The following SACS variants were observed in gnomAD, a reference collection of about 807,000 sequenced individuals.
The protein encoded by SACS is sacsin.
In SACS, 197 loss-of-function variants were observed where a neutral mutation model predicts 348.0. The observed-to-expected ratio is 0.57, with a 90% CI of 0.50 to 0.64. The LOEUF (loss-of-function observed/expected upper bound fraction) is 0.64. Among genes scored for constraint, SACS ranks in the 30% least tolerant of loss-of-function variants. The probability of loss-of-function intolerance (pLI) is 0.00; values close to 1 mark genes in which losing one functional copy is unlikely to be tolerated. For missense variants in SACS, 4,999 were observed against 5,360.8 expected (o/e 0.93, Z 2.11); for synonymous variants, 1,985 against 1,910.6 (o/e 1.04, Z -1.02).
chr13:23,330,947 ACTT>A lies in SACS; in HGVS notation c.12926_12928del (p.Glu4309del). On this transcript the variant is annotated inframe_deletion, in exon 10 of 10. Coordinates refer to ENST00000382292, the MANE Select transcript of SACS (RefSeq NM_014363.6). ...CCATGCTTGCTCCACCACAGATGTC[ACTT>A]CTTTTAAGATTTCTGGTAAAGAATT... 1 of 1,614,056 alleles carries A rather than the reference ACTT, an allele frequency of 6.2e-7. No individual in the cohort carries two copies. The highest frequency in any genetic ancestry group is 8.5e-7 in the Non-Finnish European group (1 of 1,179,978).
At chr13:23,394,974 T>C (rs1327973136) in intron 2 of SACS, among the ~76,000 whole-genome samples, 2 of 152,206 alleles carry the variant, frequency 1.3e-5, no homozygotes, top group Non-Finnish European at 2.9e-5. Context: ...GACTGATTTA[T>C]TAGGGATCCG....
At chr13:23,371,224 C>T in intron 3 of SACS, 59 bp from the exon 4 acceptor site, 1 of 1,014,636 alleles carries the variant, frequency 9.9e-7, no homozygotes, top group Non-Finnish European at 1.4e-6. Context: ...ACTGTAAATT[C>T]AAGACATTAT....
intron 2 of SACS, among the ~76,000 whole-genome samples, 153 bp downstream of exon 2, chr13:23,411,067 A>G (rs74408018): frequency 6.6e-6 from 1 of 152,292 alleles, no homozygotes; most frequent in African/African-American, 2.4e-5. Flanking sequence ...AATTACATAT[A>G]CAATTTCAGT....
chr13:23,384,227 G>A (rs1412527733), intron 2 of SACS, among the ~76,000 whole-genome samples: 1 of 152,212 alleles, frequency 6.6e-6, no homozygotes, highest in Non-Finnish European at 1.5e-5. Context: ...CCCGTGCAAG[G>A]TGACTTCCGC....
rs1354039872 is a variant in SACS at position 23,331,170 on chromosome 13, T to C, written c.12706A>G (p.Ile4236Val). Residue 4236 changes from isoleucine (I) to valine (V), a missense_variant, in exon 10 of 10, where the codon ATA (isoleucine) becomes GTA (valine). Physicochemically the swap from Ile to Val is conservative, Grantham distance 29. Around this residue, in one of 6 missense-constraint regions of SACS, gnomAD observed 831 missense variants for 941.8 expected, o/e 0.88. Transcript: ENST00000382292. The stretch of plus-strand genomic sequence containing the variant: ...TTATACAGATCAAGAGAGCTAACTA[T>C]TTTATATTCACTATAACCAATATCT... ...QIDIGYSEYKIVSSLDLYKFS... is the reference protein window; with the variant it reads ...QIDIGYSEYKVVSSLDLYKFS... 1 of 1,613,838 alleles carries C rather than the reference T, an allele frequency of 6.2e-7. No homozygotes were observed. Among genetic ancestry groups the C allele is most frequent in the East Asian group, 2.2e-5 (1 of 44,890 alleles).
intron 1 of SACS, among the ~76,000 whole-genome samples, chr13:23,424,354 C>T (rs1240192968): frequency 3.9e-5 from 6 of 151,952 alleles, no homozygotes; most frequent in African/African-American, 7.3e-5. Flanking sequence ...GGAAAAACCC[C>T]GGCTCTACTA....
In SACS at chr13:23,340,824, C is replaced by T. The variant is rs770999085; in HGVS notation, c.3052G>A (p.Glu1018Lys). 1.7e-5 allele frequency: 27 copies of T among 1,602,550 alleles called. No individual in the cohort carries two copies. The highest frequency in any genetic ancestry group is 2.3e-5 in the Non-Finnish European group (27 of 1,174,296). ...TCATTTTTAAGAGAAGATAGATTCT[C>T]AAGGACCCATAACATAAGCTGTGTT... ...EVTQLMLWVLENLSSLKNENP... is the reference protein window; with the variant it reads ...EVTQLMLWVLKNLSSLKNENP... The change falls in exon 10 of 10, where the codon GAG becomes AAG. Residue 1018 changes from glutamate to lysine, a missense_variant. Glu to Lys is a moderately conservative substitution (Grantham distance 56). Coordinates refer to ENST00000382292, the MANE Select transcript of SACS (RefSeq NM_014363.6).
At chr13:23,428,470 T>G (rs1004370139) in intron 1 of SACS, 3 of 152,214 alleles carry the variant, frequency 2.0e-5, no homozygotes, top group Non-Finnish European at 4.4e-5. Flanking sequence ...AGCAAGCATT[T>G]TGGATGACAT....
chr13:23,411,967 A>G (rs539276529), intron 1 of SACS, among the ~76,000 whole-genome samples: 86 of 152,344 alleles, frequency 5.6e-4, no homozygotes, highest in Non-Finnish European at 1.1e-3. Context: ...TACAGAAATT[A>G]AAAGTACATC....
rs1883637545 is a variant in SACS at position 23,333,699 on chromosome 13, A to G, written c.10177T>C (p.Cys3393Arg). ...TGGGACATCAAATGATTCAAATTGCAGTTGAAATACATCAAAAGTGCCTCA... is the reference window on the plus strand; with the variant it reads ...TGGGACATCAAATGATTCAAATTGCGGTTGAAATACATCAAAAGTGCCTCA... The part of the protein sequence containing the change: ...DFEALLMYFN[C>R]NLNHLMSQDD... The change falls in exon 10 of 10, where the codon TGC (cysteine) becomes CGC (arginine). Residue 3393 changes from cysteine to arginine, a missense_variant. Physicochemically the swap from Cys to Arg is radical, Grantham distance 180 (BLOSUM62 -3). Coordinates refer to ENST00000382292, the MANE Select transcript of SACS (RefSeq NM_014363.6). 6.2e-7 allele frequency: 1 copy of G among 1,613,792 alleles called. No homozygotes were observed. Among genetic ancestry groups the G allele is most frequent in the Non-Finnish European group, 8.5e-7 (1 of 1,179,732 alleles).
Position 23,416,127 on chromosome 13 carries a change from A to G in SACS, c.-501-4387T>C, listed in dbSNP as rs754564132. 3.9e-5 allele frequency among the ~76,000 whole-genome samples: 6 copies of G among 152,134 alleles called. No homozygotes were observed. The East Asian group carries it at 1.2e-3, about 30-fold the overall frequency. ...AAACCCTGTCTCTACTAAAAAATAC[A>G]AAAAATTAGCCGGGCATGGTGGTGT... is the stretch of plus-strand genomic sequence containing the variant. On this transcript the variant is annotated intron_variant, in intron 1 of 9. Coordinates refer to ENST00000382292, the MANE Select transcript of SACS (RefSeq NM_014363.6).
chr13:23,334,415 G>C lies in SACS; in HGVS notation c.9461C>G (p.Pro3154Arg). The C allele has an allele frequency of 6.2e-7, 1 of 1,612,750 alleles. No homozygotes were observed. Among genetic ancestry groups the C allele is most frequent in the South Asian group, 1.1e-5 (1 of 91,058 alleles). The change falls in exon 10 of 10, where the codon CCC becomes CGC. Residue 3154 changes from proline (P) to arginine (R), a missense_variant. Transcript: ENST00000382292. The stretch of plus-strand genomic sequence containing the variant: ...AACACTGTCCAGTGTGATGAGAAGG[G>C]GCAATCCCTCAACTTCAATCTCATT... ...EENEIEVEGL[P>R]LLITLDSVLQ...
chr13:23,362,417 A>C (rs116422975), intron 6 of SACS, among the ~76,000 whole-genome samples: 149 of 152,296 alleles, frequency 9.8e-4, no homozygotes, highest in African/African-American at 3.4e-3. Flanking sequence ...GCTGTGAAAC[A>C]AAGTGCCAGT....
chr13:23,412,182 C>A (rs960760958), intron 1 of SACS, among the ~76,000 whole-genome samples: 2 of 152,046 alleles, frequency 1.3e-5, no homozygotes, highest in Non-Finnish European at 2.9e-5. Context: ...TGGCGTGAAC[C>A]CGGGAGGTGG....
At chr13:23,386,713 C>A (rs985265650) in intron 2 of SACS, among the ~76,000 whole-genome samples, 1 of 152,208 alleles carries the variant, frequency 6.6e-6, no homozygotes, top group Non-Finnish European at 1.5e-5. Context: ...TTTCAACCTG[C>A]CTTCCTCACT....
chr13:23,365,660 G>C (rs1446863735), intron 5 of SACS, among the ~76,000 whole-genome samples: 1 of 152,148 alleles, frequency 6.6e-6, no homozygotes, highest in Non-Finnish European at 1.5e-5. Context: ...AAGCTTGAGT[G>C]ATTGCCAAAA....
Position 23,334,638 on chromosome 13 carries a change from A to G in SACS, c.9238T>C (p.Tyr3080His), listed in dbSNP as rs370809398. 48 of 1,613,476 alleles carry G rather than the reference A, an allele frequency of 3.0e-5. No homozygotes were observed. Among genetic ancestry groups the G allele is most frequent in the African/African-American group, 1.9e-4 (14 of 74,924 alleles). ...ATATCTGCATCTATAAGACAGTGGT[A>G]AAGATTAGCAGTTTCATCACAGTTA... is the stretch of plus-strand genomic sequence containing the variant. ...VYNCDETANL[Y>H]HCLIDADIPV... The change falls in exon 10 of 10, where the codon TAC (tyrosine) becomes CAC (histidine). Residue 3080 changes from tyrosine to histidine, a missense_variant. Tyr to His is a moderately conservative substitution (Grantham distance 83). This residue lies in a region of SACS where 734 missense variants were observed against 694.0 expected (regional missense o/e 1.06). Transcript: ENST00000382292.
intron 2 of SACS, among the ~76,000 whole-genome samples, chr13:23,385,153 A>AG (rs1872237258): frequency 6.6e-6 from 1 of 151,690 alleles, no homozygotes; most frequent in African/African-American, 2.4e-5. Context: ...AAAAAAAAAA[A>AG]AAGTTTTATC....
At chr13:23,374,323 C>T (rs370649467) in intron 3 of SACS, among the ~76,000 whole-genome samples, 1 of 152,160 alleles carries the variant, frequency 6.6e-6, no homozygotes, top group East Asian at 1.9e-4. Flanking sequence ...CCAACTACTT[C>T]ACCAATAATA....
Sources: allele counts gnomAD v4.1 joint callset (sites outside exome capture counted in the v4.1 genomes callset), GRCh38; gene constraint gnomAD v4.1.1; regional missense constraint gnomAD v4.1.1; transcripts MANE v1.5; gene names NCBI Gene and HGNC (gene_info 2026-07-23, HGNC 2026-07-21).